Variants in ATP6V1E2 observed in about 807,000 individuals in gnomAD.
The protein encoded by ATP6V1E2 is ATPase H+ transporting V1 subunit E2, also known as V-type proton ATPase subunit E 2.
For synonymous variants in ATP6V1E2, 121 were observed against 104.2 expected (o/e 1.16, Z -0.98); for missense variants, 308 against 273.3 (o/e 1.13, Z -0.90).
intron 4 of ATP6V1E2, chr2:46,519,922 T>C (rs1300649513): frequency 6.6e-6 from 1 of 152,222 alleles, no homozygotes; most frequent in Non-Finnish European, 1.5e-5. Flanking sequence ...GTAATAAACT[T>C]AGCAGCCCTG....
intron 4 of ATP6V1E2, among the ~76,000 whole-genome samples, chr2:46,525,929 C>A (rs1666897353): frequency 6.6e-6 from 1 of 150,744 alleles, no homozygotes; most frequent in Non-Finnish European, 1.5e-5. Flanking sequence ...TCATTTCCAT[C>A]CCTGTCTAAA....
intron 4 of ATP6V1E2, chr2:46,527,773 T>C (rs1223628225): frequency 6.6e-6 from 1 of 152,282 alleles, no homozygotes; most frequent in Non-Finnish European, 1.5e-5. Context: ...ATTTCCCTAA[T>C]GATAAGTGAT....
intron 4 of ATP6V1E2, among the ~76,000 whole-genome samples, chr2:46,525,189 A>G (rs1469239371): frequency 2.6e-5 from 4 of 152,194 alleles, no homozygotes; most frequent in Admixed American, 1.3e-4. Flanking sequence ...AAGCAGGGAC[A>G]GGCGGCCGGG....
chr2:46,529,456 T>A (rs1667077402), intron 4 of ATP6V1E2, among the ~76,000 whole-genome samples: 1 of 152,194 alleles, frequency 6.6e-6, no homozygotes, highest in Non-Finnish European at 1.5e-5. Context: ...TACATAGCAG[T>A]AGCTTAATAA....
intron 2 of ATP6V1E2, among the ~76,000 whole-genome samples, chr2:46,538,113 C>G (rs1185428822): frequency 6.6e-6 from 1 of 152,180 alleles, no homozygotes; most frequent in Non-Finnish European, 1.5e-5. Context: ...TCCAAATCTC[C>G]CTGAAACCCA....
chr2:46,516,565 G>A (rs1687719557), intron 4 of ATP6V1E2, among the ~76,000 whole-genome samples: 1 of 152,174 alleles, frequency 6.6e-6, no homozygotes, highest in South Asian at 2.1e-4. Flanking sequence ...GTGCACTCCA[G>A]TCTGGGCAAC....
intron 4 of ATP6V1E2, among the ~76,000 whole-genome samples, chr2:46,533,232 T>C (rs1438362859): frequency 1.3e-4 from 20 of 151,108 alleles, no homozygotes; most frequent in African/African-American, 3.9e-4. Flanking sequence ...GATAGATAGA[T>C]AGATAGATAG....
intron 4 of ATP6V1E2, among the ~76,000 whole-genome samples, chr2:46,515,967 C>A (rs1477183348): frequency 2.2e-4 from 33 of 152,140 alleles, no homozygotes. Context: ...GTCAATTCAC[C>A]TGGAAGATAG....
At chr2:46,522,832 G>A (rs1485642696) in intron 4 of ATP6V1E2, among the ~76,000 whole-genome samples, 4 of 152,160 alleles carry the variant, frequency 2.6e-5, no homozygotes, top group Non-Finnish European at 5.9e-5. Flanking sequence ...TTCTTACAAT[G>A]GTTGAACTAA....
intron 2 of ATP6V1E2, among the ~76,000 whole-genome samples, chr2:46,538,421 G>A (rs1667556165): frequency 6.6e-6 from 1 of 151,772 alleles, no homozygotes; most frequent in African/African-American, 2.4e-5. Context: ...CATCTAATGT[G>A]AACTATAGAT....
intron 4 of ATP6V1E2, among the ~76,000 whole-genome samples, chr2:46,513,127 C>T (rs539790084): frequency 1.3e-5 from 2 of 152,272 alleles, no homozygotes; most frequent in East Asian, 1.9e-4. Flanking sequence ...CAAATTAATA[C>T]ATAAATGGAA....
At chr2:46,540,694 T>A (rs140834503) in intron 2 of ATP6V1E2, among the ~76,000 whole-genome samples, 2 of 150,636 alleles carry the variant, frequency 1.3e-5, no homozygotes, top group Non-Finnish European at 3.0e-5. Context: ...TCTGTTGCGG[T>A]CTGATTGGTG....
At chr2:46,533,189 G>A (rs1667268445) in intron 4 of ATP6V1E2, among the ~76,000 whole-genome samples, 1 of 146,254 alleles carries the variant, frequency 6.8e-6, no homozygotes, top group South Asian at 2.2e-4. Context: ...CATATATAGT[G>A]TGTGCATGTA....
intron 4 of ATP6V1E2, among the ~76,000 whole-genome samples, chr2:46,521,368 C>T (rs551630906): frequency 6.6e-6 from 1 of 152,182 alleles, no homozygotes; most frequent in African/African-American, 2.4e-5. Flanking sequence ...ATATGTCTGT[C>T]AACCTGGAGC....
At chr2:46,529,587 T>G (rs1667084439) in intron 4 of ATP6V1E2, among the ~76,000 whole-genome samples, 1 of 152,164 alleles carries the variant, frequency 6.6e-6, no homozygotes, top group African/African-American at 2.4e-5. Flanking sequence ...AGACCCCATC[T>G]CTACAAAAAA....
At chr2:46,527,512 C>T (rs575911792) in intron 4 of ATP6V1E2, among the ~76,000 whole-genome samples, 86 of 152,210 alleles carry the variant, frequency 5.7e-4, no homozygotes, top group Non-Finnish European at 9.4e-4. Context: ...GGAGCTACCG[C>T]GCCCGGCTAG....
rs953891962 is a variant in ATP6V1E2 at position 46,530,485 on chromosome 2, C to T, written c.-102+5328G>A. Among the ~76,000 whole-genome samples, 1 of 152,224 alleles carries T rather than the reference C, an allele frequency of 6.6e-6. No homozygotes were observed. Among genetic ancestry groups the T allele is most frequent in the African/African-American group, 2.4e-5 (1 of 41,452 alleles). On this transcript the variant is annotated intron_variant, in intron 4 of 4. Transcript: ENST00000522587. This position sits in a 1 kb window ranked among gnomAD's most constrained non-coding sequence, Gnocchi z 5.2. ...ACACAAAGGTTCTCATTATTACCCG[C>T]TTTCCCTGGCCACCTGCCCTGCACT...
At chr2:46,541,321 G>A (rs960560698) in intron 2 of ATP6V1E2, 69 bp downstream of exon 2, 14 of 152,234 alleles carry the variant, frequency 9.2e-5, no homozygotes, top group Non-Finnish European at 1.9e-4. Flanking sequence ...CGCATACCTA[G>A]TCGCAGACAC....
intron 4 of ATP6V1E2, among the ~76,000 whole-genome samples, chr2:46,527,249 TCTCA>T (rs1198543102): frequency 6.6e-6 from 1 of 151,872 alleles, no homozygotes; most frequent in Non-Finnish European, 1.5e-5. Context: ...TGAGACAGAG[TCTCA>T]CTCTGTCGCC....
Sources: gnomAD v4.1 joint callset for allele counts (sites outside exome capture counted in the v4.1 genomes callset) on GRCh38, gnomAD v4.1.1 for gene constraint, Gnocchi (gnomAD v3.1) non-coding constraint, MANE v1.5 for transcripts, NCBI Gene and HGNC (gene_info 2026-07-23, HGNC 2026-07-21) for gene names.